Variants in SHROOM3 observed in about 807,000 individuals in gnomAD.
SHROOM3 encodes the protein shroom family member 3.
Under a neutral mutation model 138.6 loss-of-function variants are expected in SHROOM3, and 47 were observed. The ratio of observed to expected loss-of-function variants is 0.34; its 90% CI spans 0.27 to 0.43. The LOEUF (loss-of-function observed/expected upper bound fraction) is 0.43. Among genes scored for constraint, SHROOM3 ranks in the 20% least tolerant of loss-of-function variants. The pLI, the probability that SHROOM3 is intolerant of heterozygous loss-of-function variation, is 1.00. For missense variants in SHROOM3, 2,491 were observed against 2,596.5 expected, an observed-to-expected ratio of 0.96 and a Z score of 0.88; for synonymous variants, 1,062 against 1,063.3, an observed-to-expected ratio of 1.00 and a Z score of 0.02.
chr4:76,462,772 C>T (rs1419874394), intron 1 of SHROOM3, among the ~76,000 whole-genome samples: 2 of 151,762 alleles, frequency 1.3e-5, no homozygotes, highest in African/African-American at 4.9e-5. Flanking sequence ...CTCTCTCCCT[C>T]TCCTGCTCTG....
At chr4:76,576,645 G>C (rs184393496) in intron 2 of SHROOM3, among the ~76,000 whole-genome samples, 1 of 152,024 alleles carries the variant, frequency 6.6e-6, no homozygotes, top group Non-Finnish European at 1.5e-5. Context: ...AACTAAAATC[G>C]TGTAGTTGGG....
intron 1 of SHROOM3, among the ~76,000 whole-genome samples, chr4:76,502,700 G>T (rs1189878302): frequency 6.6e-6 from 1 of 152,158 alleles, no homozygotes; most frequent in Non-Finnish European, 1.5e-5. Flanking sequence ...TTTTTAAAAA[G>T]GCATGTTTGC....
intron 1 of SHROOM3, among the ~76,000 whole-genome samples, chr4:76,470,083 G>A (rs764270785): frequency 3.3e-5 from 5 of 152,122 alleles, no homozygotes; most frequent in African/African-American, 4.8e-5. Context: ...TGCTTTATAT[G>A]CATTAACTCA....
chr4:76,489,724 G>A (rs192061278), intron 1 of SHROOM3, among the ~76,000 whole-genome samples: 1 of 152,226 alleles, frequency 6.6e-6, no homozygotes, highest in East Asian at 1.9e-4. Context: ...CTACACTTGG[G>A]ACTCTCCTTT....
chr4:76,625,942 T>C (rs1735128860), intron 2 of SHROOM3, among the ~76,000 whole-genome samples: 1 of 152,220 alleles, frequency 6.6e-6, no homozygotes, highest in African/African-American at 2.4e-5. Context: ...CACATATTTG[T>C]TGAAGGCTCA....
At chr4:76,729,968 C>T (rs900464180) in intron 3 of SHROOM3, among the ~76,000 whole-genome samples, 4 of 152,202 alleles carry the variant, frequency 2.6e-5, no homozygotes, top group Non-Finnish European at 5.9e-5. Flanking sequence ...AAAAATCCCC[C>T]TACAGTCTTA....
intron 2 of SHROOM3, chr4:76,586,232 G>A: frequency 2.0e-6 from 2 of 985,372 alleles, no homozygotes; most frequent in Non-Finnish European, 2.4e-6. Context: ...GGCTAATCAG[G>A]GCAGCCCAGG....
At chr4:76,691,911 G>A (rs1220167511) in intron 2 of SHROOM3, among the ~76,000 whole-genome samples, 3 of 152,192 alleles carry the variant, frequency 2.0e-5, no homozygotes, top group Non-Finnish European at 4.4e-5. Flanking sequence ...GTCCAGCAGT[G>A]CTGAGGTTTT....
intron 2 of SHROOM3, chr4:76,645,698 G>A (rs1735798092): frequency 6.6e-6 from 1 of 152,108 alleles, no homozygotes; most frequent in Admixed American, 6.5e-5. Context: ...CTGTGTGCTA[G>A]GAAAGCCAAT....
In SHROOM3 at chr4:76,664,209, T is replaced by C. The variant is rs1194147359; in HGVS notation, c.324-45947T>C. Reference sequence around the variant, plus strand: ...ATTTCAAAAAGTATCCCTTTCCTTATGTGCTAGCTTACTCCTCAGAAAGTT... The same window carrying C: ...ATTTCAAAAAGTATCCCTTTCCTTACGTGCTAGCTTACTCCTCAGAAAGTT... On this transcript the variant is annotated intron_variant, in intron 2 of 10. Coordinates refer to ENST00000296043, the MANE Select transcript of SHROOM3 (RefSeq NM_020859.4). The surrounding 1 kb of genome is among the most constrained non-coding windows in gnomAD (Gnocchi z 4.2). Among the ~76,000 whole-genome samples the C allele has an allele frequency of 6.6e-6, 1 of 152,242 alleles. No individual in the cohort carries two copies. The highest frequency in any genetic ancestry group is 1.5e-5 in the Non-Finnish European group (1 of 68,050).
chr4:76,594,924 A>G (rs1734349331), intron 2 of SHROOM3, among the ~76,000 whole-genome samples: 1 of 152,248 alleles, frequency 6.6e-6, no homozygotes, highest in South Asian at 2.1e-4. Flanking sequence ...GAAGATATCA[A>G]GATATGAAGG....
Position 76,718,191 on chromosome 4 carries a change from G to C in SHROOM3, c.455+7904G>C, listed in dbSNP as rs552132713. Among the ~76,000 whole-genome samples, 6 of 152,264 alleles carry C rather than the reference G, an allele frequency of 3.9e-5. No homozygotes were observed. The South Asian group carries it at 1.2e-3, about 32-fold the overall frequency. ...TATCAAATTTGCTCATCTATATATA[G>C]AGAGATTACAGGGCTGGTTTTCCCA... On this transcript the variant is annotated intron_variant, in intron 3 of 10. Coordinates refer to ENST00000296043, the MANE Select transcript of SHROOM3 (RefSeq NM_020859.4).
At chr4:76,525,398 C>G (rs1013583387) in intron 1 of SHROOM3, among the ~76,000 whole-genome samples, 3 of 152,248 alleles carry the variant, frequency 2.0e-5, no homozygotes, top group African/African-American at 7.2e-5. Flanking sequence ...CCACCTGGTC[C>G]CACCCTTGAC....
At position 76,675,217 on chromosome 4, in the gene SHROOM3, C is replaced by T. The variant is rs143419100; in HGVS notation, c.324-34939C>T. ...AGGAGGGAAGCTCAAAGTCCAGATG[C>T]GTATTAGCACCGGTGAAAACACACC... On this transcript the variant is annotated intron_variant, in intron 2 of 10. Transcript: ENST00000296043. Among the ~76,000 whole-genome samples the T allele has an allele frequency of 7.9e-5, 12 of 152,074 alleles. No individual in the cohort carries two copies. The South Asian group carries it at 1.5e-3, about 18-fold the overall frequency.
At chr4:76,720,039 T>C (rs1207922998) in intron 3 of SHROOM3, among the ~76,000 whole-genome samples, 1 of 152,174 alleles carries the variant, frequency 6.6e-6, no homozygotes, top group East Asian at 1.9e-4. Context: ...GGACTGTGTG[T>C]TGCTATGAGA....
Position 76,756,629 on chromosome 4 carries a change from G to C in SHROOM3, c.4890G>C (p.Gly1630=). ...VHAQLAGSLG[G]QPAPIQTQSL... is the part of the protein sequence containing the mutation. Reference sequence around the variant, plus strand: ...CCCAACTTGCTGGGTCTCTTGGTGGGCAGCCAGCACCCATCCAGACTCAAA... The same window carrying C: ...CCCAACTTGCTGGGTCTCTTGGTGGCCAGCCAGCACCCATCCAGACTCAAA... Residue 1630 remains glycine, a synonymous_variant, in exon 8 of 11, where the codon GGG becomes GGC. Transcript: ENST00000296043. The C allele has an allele frequency of 6.2e-7, 1 of 1,613,166 alleles. No individual in the cohort carries two copies. The highest frequency in any genetic ancestry group is 1.7e-5 in the Admixed American group (1 of 59,932).
At chr4:76,552,738 A>C (rs1315161877) in intron 1 of SHROOM3, among the ~76,000 whole-genome samples, 1 of 151,242 alleles carries the variant, frequency 6.6e-6, no homozygotes, top group Admixed American at 6.6e-5. Flanking sequence ...TATTTTATGT[A>C]TCTTGAGACC....
At position 76,608,662 on chromosome 4, in the gene SHROOM3, ATAG is replaced by A. The variant is rs1175667582; in HGVS notation, c.323+52900_323+52902del. Among the ~76,000 whole-genome samples the A allele has an allele frequency of 1.2e-3, 47 of 38,942 alleles. 3 individuals are homozygous for A. Among genetic ancestry groups the A allele is most frequent in the African/African-American group, 2.4e-3 (43 of 17,648 alleles). 25.5% of individuals were successfully genotyped at this position (38,942 alleles called of 152,430 possible). A position where few individuals can be genotyped will look rare whatever the true frequency, so the allele number is the denominator to read the frequency against. On this transcript the variant is annotated intron_variant, in intron 2 of 10. Coordinates refer to ENST00000296043, the MANE Select transcript of SHROOM3 (RefSeq NM_020859.4). ...ATAGCATAGCATAGCATAGCATAGC[ATAG>A]CACAGCATAGCACAGCACAGCACAG...
At chr4:76,764,622 A>G (rs1252784672) in intron 9 of SHROOM3, among the ~76,000 whole-genome samples, 1 of 152,200 alleles carries the variant, frequency 6.6e-6, no homozygotes, top group African/African-American at 2.4e-5. Flanking sequence ...TTCACTGGAT[A>G]TGGGATTCTG....
Sources: gnomAD v4.1 joint callset for allele counts (sites outside exome capture counted in the v4.1 genomes callset) on GRCh38, gnomAD v4.1.1 for gene constraint, Gnocchi (gnomAD v3.1) non-coding constraint, MANE v1.5 for transcripts, NCBI Gene and HGNC (gene_info 2026-07-23, HGNC 2026-07-21) for gene names.